Variants in RANBP3L observed in about 807,000 individuals in gnomAD.
RANBP3L encodes ran-binding protein 3-like.
Under a neutral mutation model 67.2 loss-of-function variants are expected in RANBP3L, and 56 were observed. The ratio of observed to expected loss-of-function variants is 0.83; its 90% confidence interval spans 0.67 to 1.04. RANBP3L has a LOEUF of 1.04. RANBP3L is among the 50% of genes least tolerant of loss of function. RANBP3L has a pLI of 0.00. For missense variants in RANBP3L, 496 were observed against 535.5 expected (o/e 0.93, Z 0.73); for synonymous variants, 164 against 181.4 (o/e 0.90, Z 0.77).
Position 36,260,817 on chromosome 5 carries a change from T to C in RANBP3L, c.632A>G (p.Asn211Ser), listed in dbSNP as rs917039922. The change falls in exon 8 of 14, where the codon AAT becomes AGT. Residue 211 changes from asparagine to serine, a missense_variant. Coordinates refer to ENST00000296604, the MANE Select transcript of RANBP3L (RefSeq NM_145000.5). The stretch of plus-strand genomic sequence containing the variant: ...TACCATGTTTTCTCCAAAAACAAAA[T>C]TGGAACTGCAGCTTTTAAAAGAACA... ...DKCSFKSCSS[N>S]FVFGENMVER... 2 of 1,565,746 alleles carry C rather than the reference T, an allele frequency of 1.3e-6. No individual in the cohort carries two copies. The highest frequency in any genetic ancestry group is 1.7e-5 in the Admixed American group (1 of 58,370).
chr5:36,263,690 C>A (rs1168942360), intron 6 of RANBP3L, among the ~76,000 whole-genome samples: 1 of 152,132 alleles, frequency 6.6e-6, no homozygotes, highest in Non-Finnish European at 1.5e-5. Flanking sequence ...CCATGCCCAG[C>A]TAATTTTTGT....
intron 1 of RANBP3L, among the ~76,000 whole-genome samples, chr5:36,273,606 C>A (rs1316191528): frequency 6.6e-6 from 1 of 152,154 alleles, no homozygotes; most frequent in African/African-American, 2.4e-5. Context: ...CCAAACAATT[C>A]TCTTAGCTCC....
chr5:36,268,646 T>G (rs1749980632), intron 4 of RANBP3L, among the ~76,000 whole-genome samples: 1 of 151,706 alleles, frequency 6.6e-6, no homozygotes, highest in East Asian at 1.9e-4. Flanking sequence ...ACTGGTTTAC[T>G]CAGAATACAG....
intron 1 of RANBP3L, among the ~76,000 whole-genome samples, chr5:36,291,346 T>C (rs1042147061): frequency 6.6e-6 from 1 of 150,788 alleles, no homozygotes; most frequent in Non-Finnish European, 1.5e-5. Flanking sequence ...TATTTTTTAA[T>C]TTTTTATTTT....
intron 13 of RANBP3L, among the ~76,000 whole-genome samples, chr5:36,250,002 A>G (rs1162227303): frequency 6.6e-6 from 1 of 151,952 alleles, no homozygotes; most frequent in Non-Finnish European, 1.5e-5. Flanking sequence ...AAAAAATGGC[A>G]GGGGAAAGGG....
intron 1 of RANBP3L, among the ~76,000 whole-genome samples, chr5:36,283,185 G>A (rs1751090597): frequency 6.6e-6 from 1 of 151,984 alleles, no homozygotes; most frequent in Admixed American, 6.6e-5. Context: ...AGCCTCCTGA[G>A]TAGCTGGGAT....
intron 10 of RANBP3L, 40 bp downstream of exon 10, chr5:36,256,901 T>C (rs1561098010): frequency 3.8e-6 from 6 of 1,565,732 alleles, no homozygotes; most frequent in South Asian, 1.2e-5. Flanking sequence ...ATTCCAAGTA[T>C]GTAAATGCTA....
At chr5:36,255,126 A>G (rs1006970311) in intron 11 of RANBP3L, among the ~76,000 whole-genome samples, 1 of 152,142 alleles carries the variant, frequency 6.6e-6, no homozygotes, top group Non-Finnish European at 1.5e-5. Context: ...TGGCTCTGAT[A>G]TAAGTGCTTT....
rs758987512 is a variant in RANBP3L, at chr5:36,262,036, C to T, written c.487G>A (p.Glu163Lys). 5.8e-6 allele frequency: 9 copies of T among 1,549,290 alleles called. No individual in the cohort carries two copies. The Admixed American group carries it at 1.2e-4, about 20-fold the overall frequency. The change falls in exon 7 of 14, where the codon GAG becomes AAG. Residue 163 changes from glutamate (E) to lysine (K), a missense_variant. By Grantham distance (56) the Glu-to-Lys change is moderately conservative (BLOSUM62 1). Coordinates refer to ENST00000296604, the MANE Select transcript of RANBP3L (RefSeq NM_145000.5). Reference protein sequence around the residue: ...TKEKTNNKISEGNSYLLSENL... With the variant: ...TKEKTNNKISKGNSYLLSENL... ...TCACTTAACAAATAGGAATTTCCCTCAGAAATCTGAAAGTAAAGAAATCCA... is the reference window on the plus strand; with the variant it reads ...TCACTTAACAAATAGGAATTTCCCTTAGAAATCTGAAAGTAAAGAAATCCA...
chr5:36,277,422 C>CTCTATATATA (rs377029015), intron 1 of RANBP3L, among the ~76,000 whole-genome samples: 7 of 115,298 alleles, frequency 6.1e-5, no homozygotes, highest in African/African-American at 1.0e-4. Context: ...CTCTCTCTCT[C>CTCTATATATA]TATATATATA....
At chr5:36,279,762 A>C (rs721819) in intron 1 of RANBP3L, among the ~76,000 whole-genome samples, 57,870 of 152,078 alleles carry the variant, frequency 0.38, 12,824 homozygotes, top group Middle Eastern at 0.52. Context: ...TAACTGCTTT[A>C]AAGTTTTTAT....
chr5:36,290,534 T>C (rs1483681566), intron 1 of RANBP3L, among the ~76,000 whole-genome samples: 1 of 152,006 alleles, frequency 6.6e-6, no homozygotes, highest in Non-Finnish European at 1.5e-5. Context: ...TTTTTATTGA[T>C]TAATCTAGGT....
intron 13 of RANBP3L, 83 bp downstream of exon 13, chr5:36,251,230 T>G: frequency 7.7e-6 from 9 of 1,174,382 alleles, no homozygotes; most frequent in Non-Finnish European, 1.1e-5. Flanking sequence ...GTTCCACTTG[T>G]TAAAAAATCT....
chr5:36,288,482 C>G (rs768039070), intron 1 of RANBP3L, among the ~76,000 whole-genome samples: 1 of 152,062 alleles, frequency 6.6e-6, no homozygotes, highest in Non-Finnish European at 1.5e-5. Flanking sequence ...TTTTATTTCT[C>G]TTGGAAAAAT....
chr5:36,271,312 C>T lies in RANBP3L; in HGVS notation c.92-1G>A. The T allele has an allele frequency of 6.4e-7, 1 of 1,570,282 alleles. No individual in the cohort carries two copies. The highest frequency in any genetic ancestry group is 8.7e-7 in the Non-Finnish European group (1 of 1,144,266). On this transcript the variant is annotated splice_acceptor_variant, in intron 1 of 13. Coordinates refer to ENST00000296604, the MANE Select transcript of RANBP3L (RefSeq NM_145000.5). LOFTEE classifies it high-confidence loss of function. ...ATGGGTTGAGCAATGACAGATTTTT[C>T]TGTGAAAAAAAAGAAAACAGGCAAG...
At chr5:36,256,892 T>A (rs1357613486) in intron 10 of RANBP3L, 49 bp downstream of exon 10, 9 of 1,539,994 alleles carry the variant, frequency 5.8e-6, no homozygotes, top group Middle Eastern at 1.8e-4. Flanking sequence ...GTTAACTTTA[T>A]TCCAAGTATG....
chr5:36,301,572 A>C lies in RANBP3L; in HGVS notation c.-156T>G. The C allele has an allele frequency of 2.0e-6, 1 of 496,728 alleles. No individual in the cohort carries two copies. Among genetic ancestry groups the C allele is most frequent in the Non-Finnish European group, 3.6e-6 (1 of 276,278 alleles). The allele number at this position is 496,728 out of a possible 1,614,324, so 30.8% of individuals were successfully genotyped here. ...CATATACTCCTCTACTAAACTTCCA[A>C]GCTTTTTCCAGTCATGATTCTTGAA... On this transcript the variant is annotated 5_prime_UTR_variant, in exon 1 of 14. Coordinates refer to ENST00000296604, the MANE Select transcript of RANBP3L (RefSeq NM_145000.5).
chr5:36,275,483 T>C (rs1750510658), intron 1 of RANBP3L, among the ~76,000 whole-genome samples: 1 of 152,202 alleles, frequency 6.6e-6, no homozygotes, highest in Non-Finnish European at 1.5e-5. Context: ...TGTGACATAA[T>C]CCAGCACTAT....
intron 1 of RANBP3L, among the ~76,000 whole-genome samples, chr5:36,273,104 G>A (rs11948581): frequency 0.41 from 62,121 of 152,184 alleles, 15,271 homozygotes; most frequent in Non-Finnish European, 0.56. Flanking sequence ...CGGAAATTAT[G>A]TTAGATTTAA....
Sources: allele counts gnomAD v4.1 joint callset (sites outside exome capture counted in the v4.1 genomes callset), GRCh38; gene constraint gnomAD v4.1.1; transcripts MANE v1.5; gene names NCBI Gene and HGNC (gene_info 2026-07-23, HGNC 2026-07-21).